The following EZR variants were observed in gnomAD, a reference collection of about 807,000 sequenced individuals.
EZR encodes the protein ezrin.
EZR carries 40 observed loss-of-function variants against 74.8 expected under a neutral mutation model. That is an observed-to-expected ratio of 0.53 (90% CI 0.42 to 0.70). The LOEUF (loss-of-function observed/expected upper bound fraction) is 0.70, where lower values mean the gene tolerates loss of function less well. Ranked by LOEUF, EZR falls within the 30% of genes least tolerant of loss-of-function variation. EZR has a pLI of 0.00. For synonymous variants in EZR, 341 were observed against 283.3 expected (o/e 1.20, Z -2.05); for missense variants, 678 against 755.8 (o/e 0.90, Z 1.21).
At chr6:158,798,354 A>G (rs371101008) in intron 2 of EZR, among the ~76,000 whole-genome samples, 4 of 152,372 alleles carry the variant, frequency 2.6e-5, no homozygotes, top group Admixed American at 6.5e-5. Context: ...GAGAAACAAA[A>G]TGAATTTTTA....
At chr6:158,780,845 T>C (rs770445872) in intron 7 of EZR, among the ~76,000 whole-genome samples, 1 of 152,238 alleles carries the variant, frequency 6.6e-6, no homozygotes, top group African/African-American at 2.4e-5. Flanking sequence ...GGCGCTTACC[T>C]GTTTTTGCCC....
At chr6:158,782,115 A>C (rs189223632) in intron 7 of EZR, among the ~76,000 whole-genome samples, 1 of 152,158 alleles carries the variant, frequency 6.6e-6, no homozygotes, top group Non-Finnish European at 1.5e-5. Context: ...GAGCGAACCG[A>C]GAGTCCTCAA....
chr6:158,815,440 C>T (rs962069293), intron 2 of EZR, among the ~76,000 whole-genome samples: 1 of 152,180 alleles, frequency 6.6e-6, no homozygotes, highest in East Asian at 1.9e-4. Flanking sequence ...CCATGGCAGA[C>T]AGGTATGGCT....
intron 2 of EZR, among the ~76,000 whole-genome samples, chr6:158,790,702 C>A (rs1247121112): frequency 2.0e-5 from 3 of 152,004 alleles, no homozygotes; most frequent in Non-Finnish European, 2.9e-5. Flanking sequence ...AAACCCACCA[C>A]CACAACAACA....
Position 158,818,148 on chromosome 6 carries a change from G to C in EZR, c.-55C>G, listed in dbSNP as rs79686763. Reference sequence around the variant, plus strand: ...CCGAAAACACGACTATCCAGCAGCAGCGAAGACGCTGTCCCAACCTGGAGT... The same window carrying C: ...CCGAAAACACGACTATCCAGCAGCACCGAAGACGCTGTCCCAACCTGGAGT... On this transcript the variant is annotated 5_prime_UTR_variant, in exon 2 of 14. Transcript: ENST00000367075. 7.3e-5 allele frequency: 117 copies of C among 1,600,144 alleles called. No homozygotes were observed. The Middle Eastern group carries it at 1.0e-3, about 14-fold the overall frequency.
intron 2 of EZR, among the ~76,000 whole-genome samples, chr6:158,799,026 G>T (rs1219933186): frequency 6.6e-6 from 1 of 152,100 alleles, no homozygotes; most frequent in African/African-American, 2.4e-5. Context: ...TTTCTTGGCT[G>T]AACATCTCTC....
chr6:158,815,718 T>TC (rs140467394), intron 2 of EZR, among the ~76,000 whole-genome samples: 4,498 of 152,268 alleles, frequency 0.03, 110 homozygotes, highest in Non-Finnish European at 0.044. Context: ...TGCCTCAGCC[T>TC]CCCAAAGTGC....
rs147735472 is a variant in EZR, at chr6:158,792,003, C to T, written c.13-2632G>A. On this transcript the variant is annotated intron_variant, in intron 2 of 13. Transcript: ENST00000367075. ...GATTACAGGCGTGAGCCACCGCGCC[C>T]GGCCCAGACTCCAAATTCTAAACCT... Among the ~76,000 whole-genome samples the T allele has an allele frequency of 2.2e-3, 333 of 152,062 alleles. 4 individuals carry two copies. The highest frequency in any genetic ancestry group is 0.021 in the East Asian group (107 of 5,164).
In EZR at chr6:158,784,630, G is replaced by T. The variant is rs1791520771; in HGVS notation, c.551+14C>A. On this transcript the variant is annotated intron_variant, in intron 6 of 13. Transcript: ENST00000367075. ...GGAGATGGCAAGATCCCAACAGCAG[G>T]GCACAGCACTCACTTGAGCATCCCA... 1.9e-6 allele frequency: 3 copies of T among 1,611,916 alleles called. No individual in the cohort carries two copies. Among genetic ancestry groups the T allele is most frequent in the African/African-American group, 1.3e-5 (1 of 74,874 alleles).
At chr6:158,800,675 A>G (rs1285241720) in intron 2 of EZR, among the ~76,000 whole-genome samples, 2 of 152,126 alleles carry the variant, frequency 1.3e-5, no homozygotes, top group African/African-American at 4.8e-5. Flanking sequence ...GGTGGTGCAC[A>G]TTGGTAATCC....
chr6:158,774,114 T>TC (rs1791198136), intron 8 of EZR, among the ~76,000 whole-genome samples: 1 of 152,174 alleles, frequency 6.6e-6, no homozygotes, highest in Admixed American at 6.5e-5. Context: ...AGATAAGGAA[T>TC]CCCACCGCCT....
At chr6:158,787,254 G>C in intron 3 of EZR, 51 bp from the exon 4 acceptor site, 1 of 1,492,408 alleles carries the variant, frequency 6.7e-7, no homozygotes, top group Non-Finnish European at 9.3e-7. Flanking sequence ...CACTCAAAAG[G>C]GCAACAGCTT....
In EZR at chr6:158,766,813, T is replaced by A; in HGVS notation, c.*101A>T. On this transcript the variant is annotated 3_prime_UTR_variant, in exon 14 of 14. Coordinates refer to ENST00000367075, the MANE Select transcript of EZR (RefSeq NM_001111077.2). ...TAACTGCTTTCTAAAGGAACTGGGA[T>A]CTGAGGGAGTTCCTAGACTTGGAGC... is the stretch of plus-strand genomic sequence containing the variant. 8.7e-7 allele frequency: 1 copy of A among 1,155,986 alleles called. No individual in the cohort carries two copies. 71.6% of individuals were successfully genotyped at this position (1,155,986 alleles called of 1,614,324 possible).
At chr6:158,801,259 C>T (rs905287246) in intron 2 of EZR, among the ~76,000 whole-genome samples, 1 of 152,176 alleles carries the variant, frequency 6.6e-6, no homozygotes, top group Non-Finnish European at 1.5e-5. Flanking sequence ...GGATTACAGG[C>T]GTGCATCACC....
chr6:158,771,038 G>A (rs1791090697), intron 9 of EZR, 144 bp from the exon 10 acceptor site: 2 of 1,390,026 alleles, frequency 1.4e-6, no homozygotes, highest in Non-Finnish European at 2.0e-6. Flanking sequence ...TGAGCTGCCT[G>A]ACGGAGCAGC....
intron 6 of EZR, among the ~76,000 whole-genome samples, 194 bp from the exon 7 acceptor site, chr6:158,783,860 G>A (rs1791495094): frequency 6.6e-6 from 1 of 152,208 alleles, no homozygotes; most frequent in Admixed American, 6.5e-5. Flanking sequence ...GCTATGCCTG[G>A]GGTGGGGTCC....
chr6:158,812,648 T>C (rs1440759671), intron 2 of EZR, among the ~76,000 whole-genome samples: 1 of 152,198 alleles, frequency 6.6e-6, no homozygotes, highest in Non-Finnish European at 1.5e-5. Context: ...TGGGGGGCAG[T>C]GGATGTAGTA....
intron 1 of EZR, among the ~76,000 whole-genome samples, chr6:158,818,749 G>A (rs1222231128): frequency 6.6e-6 from 1 of 150,814 alleles, no homozygotes; most frequent in Non-Finnish European, 1.5e-5. Flanking sequence ...GAGGGCGAGG[G>A]GCAGGAGGAA....
intron 4 of EZR, 86 bp from the exon 5 acceptor site, chr6:158,785,669 T>C: frequency 6.6e-7 from 1 of 1,514,646 alleles, no homozygotes; most frequent in Non-Finnish European, 9.0e-7. Context: ...CAAGACTCAA[T>C]GGGGCCCTCA....
Sources: allele counts gnomAD v4.1 joint callset (sites outside exome capture counted in the v4.1 genomes callset), GRCh38; gene constraint gnomAD v4.1.1; transcripts MANE v1.5; gene names NCBI Gene and HGNC (gene_info 2026-07-23, HGNC 2026-07-21).